EPHB1: variants seen among roughly 807,000 people sequenced by gnomAD.
The protein encoded by EPHB1 is ephrin type-B receptor 1.
EPHB1 carries 30 observed loss-of-function variants against 94.4 expected under a neutral mutation model. The ratio of observed to expected loss-of-function variants is 0.32; its 90% CI spans 0.24 to 0.43. EPHB1 has a LOEUF of 0.43. EPHB1 is among the 20% of genes least tolerant of loss of function. EPHB1 has a pLI of 1.00. For missense variants in EPHB1, 1,055 were observed against 1,308.3 expected (o/e 0.81, Z 2.99); for synonymous variants, 522 against 489.1 (o/e 1.07, Z -0.89).
rs540033368 is a variant in EPHB1, at chr3:134,915,996, C to T, written c.59-9820C>T. On this transcript the variant is annotated intron_variant, in intron 1 of 15. Coordinates refer to ENST00000398015, the MANE Select transcript of EPHB1 (RefSeq NM_004441.5). ...CATCCTGCTGACTGGTCCATTTTAC[C>T]GAGAGCAGATTGGTCTGTTTTACAG... Among the ~76,000 whole-genome samples, 245 of 152,242 alleles carry T rather than the reference C, an allele frequency of 1.6e-3. 1 individual carries two copies. The highest frequency in any genetic ancestry group is 5.4e-3 in the African/African-American group (225 of 41,542).
At chr3:135,239,317 AT>A (rs1943726025) in intron 12 of EPHB1, among the ~76,000 whole-genome samples, 1 of 151,734 alleles carries the variant, frequency 6.6e-6, no homozygotes, top group South Asian at 2.1e-4. Context: ...CGGGTTAACC[AT>A]TTTTACATTT....
chr3:135,099,810 G>A (rs568593793), intron 3 of EPHB1, among the ~76,000 whole-genome samples: 7 of 152,314 alleles, frequency 4.6e-5, no homozygotes, highest in African/African-American at 1.4e-4. Flanking sequence ...GCTTCTGAGA[G>A]AGGCTTTTCT....
intron 13 of EPHB1, among the ~76,000 whole-genome samples, chr3:135,242,491 A>G (rs1021362461): frequency 1.3e-5 from 2 of 152,108 alleles, no homozygotes; most frequent in Non-Finnish European, 2.9e-5. Context: ...CTTCCCAGAG[A>G]GACTGTGGAA....
intron 3 of EPHB1, among the ~76,000 whole-genome samples, chr3:135,016,043 C>G (rs1935787101): frequency 6.6e-6 from 1 of 152,138 alleles, no homozygotes; most frequent in South Asian, 2.1e-4. Flanking sequence ...ACGTTGCTCT[C>G]AACTTTCCTT....
chr3:135,023,724 C>A (rs1245122912), intron 3 of EPHB1, among the ~76,000 whole-genome samples: 1 of 152,126 alleles, frequency 6.6e-6, no homozygotes, highest in East Asian at 1.9e-4. Context: ...GGTTCTAGGA[C>A]TGTGTCAATT....
chr3:135,149,237 C>T (rs1274928533), intron 5 of EPHB1, among the ~76,000 whole-genome samples: 4 of 152,174 alleles, frequency 2.6e-5, no homozygotes, highest in South Asian at 2.1e-4. Context: ...ATCTTGTGAA[C>T]TCTTTATTTT....
In EPHB1 at chr3:135,074,947, C is replaced by T. The variant is rs113120469; in HGVS notation, c.806-31501C>T. Reference sequence around the variant, plus strand: ...AGCCTACCATGCACAATCCAACAAGCAGCTCAAAAGGACCCCTCGCTGTAA... The same window carrying T: ...AGCCTACCATGCACAATCCAACAAGTAGCTCAAAAGGACCCCTCGCTGTAA... On this transcript the variant is annotated intron_variant, in intron 3 of 15. Coordinates refer to ENST00000398015, the MANE Select transcript of EPHB1 (RefSeq NM_004441.5). Among the ~76,000 whole-genome samples, 87 of 152,290 alleles carry T rather than the reference C, an allele frequency of 5.7e-4. 1 individual carries two copies. The South Asian group carries it at 0.018, about 32-fold the overall frequency.
At chr3:134,869,287 T>G (rs2037447000) in intron 1 of EPHB1, among the ~76,000 whole-genome samples, 1 of 152,220 alleles carries the variant, frequency 6.6e-6, no homozygotes. Flanking sequence ...ACTGGGAGGA[T>G]TAAACAGTGC....
intron 1 of EPHB1, among the ~76,000 whole-genome samples, chr3:134,899,259 C>T (rs568990883): frequency 9.2e-5 from 14 of 152,208 alleles, no homozygotes; most frequent in African/African-American, 3.4e-4. Context: ...TTCTCAGCTG[C>T]AGGGCTTCAG....
intron 3 of EPHB1, among the ~76,000 whole-genome samples, chr3:135,081,608 G>T (rs1471761106): frequency 1.3e-5 from 2 of 152,152 alleles, no homozygotes; most frequent in Non-Finnish European, 2.9e-5. Flanking sequence ...TGCCCAAGGA[G>T]CTTCTGCTCT....
chr3:135,242,851 G>A (rs1943819174), intron 13 of EPHB1, among the ~76,000 whole-genome samples: 1 of 152,148 alleles, frequency 6.6e-6, no homozygotes, highest in Non-Finnish European at 1.5e-5. Flanking sequence ...GTGGAGGCAG[G>A]TGGATTGCTT....
chr3:135,133,910 C>A (rs983959048), intron 5 of EPHB1, among the ~76,000 whole-genome samples: 1 of 152,204 alleles, frequency 6.6e-6, no homozygotes, highest in Non-Finnish European at 1.5e-5. Context: ...CTGTGTGCCA[C>A]GCTGTGGATT....
At chr3:134,932,356 A>C (rs573838772) in intron 2 of EPHB1, among the ~76,000 whole-genome samples, 1 of 152,290 alleles carries the variant, frequency 6.6e-6, no homozygotes, top group East Asian at 1.9e-4. Context: ...CAGATCCCCC[A>C]CCAGCTGCCC....
chr3:135,152,012 A>G (rs1158841301), intron 5 of EPHB1, among the ~76,000 whole-genome samples: 2 of 152,238 alleles, frequency 1.3e-5, no homozygotes, highest in Non-Finnish European at 2.9e-5. Flanking sequence ...TATTAGTTTT[A>G]TTCTAATCTT....
chr3:135,183,253 T>C (rs1942235582), intron 10 of EPHB1, among the ~76,000 whole-genome samples: 1 of 125,398 alleles, frequency 8.0e-6, no homozygotes, highest in South Asian at 3.3e-4. Context: ...CCTTTCTTCC[T>C]TCCTTCCTTC....
chr3:134,908,720 G>T (rs1425017016), intron 1 of EPHB1, among the ~76,000 whole-genome samples: 1 of 152,108 alleles, frequency 6.6e-6, no homozygotes, highest in Non-Finnish European at 1.5e-5. Context: ...GGAGGGAGAA[G>T]GCGTGAGGAG....
intron 4 of EPHB1, among the ~76,000 whole-genome samples, chr3:135,128,051 C>A (rs912702893): frequency 6.6e-6 from 1 of 152,194 alleles, no homozygotes; most frequent in South Asian, 2.1e-4. Context: ...GGCAACAGAT[C>A]AGAGAGGCTT....
intron 3 of EPHB1, among the ~76,000 whole-genome samples, chr3:135,019,171 G>C (rs75774647): frequency 0.028 from 4,220 of 152,218 alleles, 88 homozygotes; most frequent in South Asian, 0.044. Context: ...ACAGGAGGTG[G>C]CTGCCCCCAC....
chr3:134,891,488 A>G (rs4955458), intron 1 of EPHB1, among the ~76,000 whole-genome samples: 69,917 of 152,074 alleles, frequency 0.46, 16,417 homozygotes, highest in Non-Finnish European at 0.49. Context: ...TTTCACCAAA[A>G]TAGAAAGTAT....
Sources: gnomAD v4.1 joint callset for allele counts (sites outside exome capture counted in the v4.1 genomes callset) on GRCh38, gnomAD v4.1.1 for gene constraint, MANE v1.5 for transcripts, NCBI Gene and HGNC (gene_info 2026-07-23, HGNC 2026-07-21) for gene names.